GRAMD2B: variants seen among roughly 807,000 people sequenced by gnomAD.
GRAMD2B encodes the protein GRAM domain containing 2B.
In GRAMD2B, 41 loss-of-function variants were observed where a neutral mutation model predicts 59.2. That is an observed-to-expected ratio of 0.69 (90% confidence interval 0.54 to 0.90). GRAMD2B has a LOEUF of 0.90. GRAMD2B is among the 40% of genes least tolerant of loss of function. GRAMD2B has a pLI of 0.00. For missense variants in GRAMD2B, 424 were observed against 500.5 expected (o/e 0.85, Z 1.46); for synonymous variants, 161 against 182.7 (o/e 0.88, Z 0.96).
At chr5:126,378,721 C>T (rs1175291036) in intron 1 of GRAMD2B, among the ~76,000 whole-genome samples, 1 of 152,170 alleles carries the variant, frequency 6.6e-6, no homozygotes. Flanking sequence ...AACAGGAATG[C>T]ATGTTGGCTT....
At chr5:126,403,534 A>T (rs1156456498) in intron 1 of GRAMD2B, among the ~76,000 whole-genome samples, 1 of 151,992 alleles carries the variant, frequency 6.6e-6, no homozygotes, top group African/African-American at 2.4e-5. Context: ...TACTAGAAAT[A>T]AAGGGCTCAG....
At chr5:126,418,642 A>T (rs963326845), upstream of GRAMD2B, among the ~76,000 whole-genome samples, 1 of 152,218 alleles carries the variant, frequency 6.6e-6, no homozygotes, top group African/African-American at 2.4e-5. Context: ...AAGATTCCAT[A>T]ATCTACTACA....
At chr5:126,371,513 C>T (rs1034375583) in exon 1 of GRAMD2B, 16 of 1,289,120 alleles carry the variant, frequency 1.2e-5, no homozygotes, top group Admixed American at 6.9e-5. Flanking sequence ...CCAAGGAAGG[C>T]CAACGTGGAG....
At chr5:126,431,212 A>C (rs564446076) in intron 1 of GRAMD2B, among the ~76,000 whole-genome samples, 2 of 152,190 alleles carry the variant, frequency 1.3e-5, no homozygotes. Flanking sequence ...ACTTTAGCCG[A>C]CTATAAATGT....
chr5:126,363,356 T>C (rs1414713228), intron 1 of GRAMD2B, among the ~76,000 whole-genome samples: 1 of 152,124 alleles, frequency 6.6e-6, no homozygotes, highest in Non-Finnish European at 1.5e-5. Flanking sequence ...GGAACTCTCA[T>C]CCACTGCTGG....
chr5:126,383,523 A>C (rs1755838058), intron 1 of GRAMD2B, among the ~76,000 whole-genome samples: 2 of 152,106 alleles, frequency 1.3e-5, no homozygotes, highest in African/African-American at 4.8e-5. Flanking sequence ...TATAGGCATT[A>C]CTTTATAAAC....
intron 1 of GRAMD2B, among the ~76,000 whole-genome samples, chr5:126,382,503 T>C (rs1337676836): frequency 6.6e-6 from 1 of 152,214 alleles, no homozygotes; most frequent in Non-Finnish European, 1.5e-5. Context: ...CAGTGTATTT[T>C]GCGTTTCTCT....
chr5:126,390,574 G>A (rs1473051619), intron 1 of GRAMD2B, among the ~76,000 whole-genome samples: 5 of 152,256 alleles, frequency 3.3e-5, no homozygotes, highest in African/African-American at 1.2e-4. Flanking sequence ...AAATCATTCT[G>A]CAGTATATCT....
At chr5:126,450,385 C>T (rs1171853896) in intron 1 of GRAMD2B, among the ~76,000 whole-genome samples, 4 of 150,884 alleles carry the variant, frequency 2.7e-5, no homozygotes, top group Non-Finnish European at 5.9e-5. Flanking sequence ...ATAATATATT[C>T]TCTCTCTCTC....
chr5:126,457,466 T>C (rs976681454), intron 1 of GRAMD2B, among the ~76,000 whole-genome samples: 1 of 151,808 alleles, frequency 6.6e-6, no homozygotes, highest in Non-Finnish European at 1.5e-5. Context: ...AAACCCTGCC[T>C]CTAAAAATAC....
intron 1 of GRAMD2B, among the ~76,000 whole-genome samples, chr5:126,388,732 T>A (rs1303124336): frequency 6.6e-6 from 1 of 151,800 alleles, no homozygotes; most frequent in African/African-American, 2.4e-5. Flanking sequence ...AAATTATGGA[T>A]AAATGTATCT....
intron 12 of GRAMD2B, 65 bp downstream of exon 12, chr5:126,487,042 C>A: frequency 1.2e-6 from 1 of 816,744 alleles, no homozygotes; most frequent in Non-Finnish European, 2.1e-6. Flanking sequence ...TTGACCTGAA[C>A]TTAGCATCCT....
At chr5:126,429,828 G>C (rs186310593) in intron 1 of GRAMD2B, among the ~76,000 whole-genome samples, 14 of 152,302 alleles carry the variant, frequency 9.2e-5, no homozygotes, top group African/African-American at 3.4e-4. Context: ...TTTACTTTAT[G>C]CTAAAAGGAT....
At chr5:126,478,514 G>A (rs188560309) in intron 6 of GRAMD2B, among the ~76,000 whole-genome samples, 1 of 152,262 alleles carries the variant, frequency 6.6e-6, no homozygotes, top group South Asian at 2.1e-4. Context: ...GCCCAAATGG[G>A]CAGATCGCTT....
At chr5:126,418,418 C>T (rs1000781779), upstream of GRAMD2B, among the ~76,000 whole-genome samples, 5 of 152,132 alleles carry the variant, frequency 3.3e-5, no homozygotes, top group African/African-American at 9.7e-5. Flanking sequence ...ATTAGTGTTA[C>T]AAAACTATCC....
At chr5:126,450,824 A>T (rs1765219176) in intron 1 of GRAMD2B, among the ~76,000 whole-genome samples, 1 of 152,184 alleles carries the variant, frequency 6.6e-6, no homozygotes, top group South Asian at 2.1e-4. Context: ...ACAGAATGCA[A>T]GAGTGAAGAA....
intron 1 of GRAMD2B, chr5:126,360,529 C>G: frequency 6.9e-7 from 1 of 1,457,676 alleles, no homozygotes; most frequent in Non-Finnish European, 9.3e-7. Context: ...TTTAAAAGGC[C>G]TTTTTGGTAT....
At position 126,483,527 on chromosome 5, in the gene GRAMD2B, G is replaced by T. The variant is rs767137901; in HGVS notation, c.800G>T (p.Gly267Val). The T allele has an allele frequency of 2.5e-6, 4 of 1,612,944 alleles. No homozygotes were observed. Among genetic ancestry groups the T allele is most frequent in the Non-Finnish European group, 2.5e-6 (3 of 1,179,268 alleles). ...CAACAAAGAAGGCAAGACATGGAAG[G>T]ATATAGCAGTTCTGGTTCTCAAACT... The part of the protein sequence containing the change: ...VVQQRRQDME[G>V]YSSSGSQTPE... Residue 267 changes from glycine (G) to valine (V), a missense_variant, in exon 9 of 14, where the codon GGA becomes GTA. Transcript: ENST00000285689.
intron 1 of GRAMD2B, among the ~76,000 whole-genome samples, chr5:126,389,234 A>C (rs1756480355): frequency 6.6e-6 from 1 of 152,208 alleles, no homozygotes; most frequent in South Asian, 2.1e-4. Flanking sequence ...TAAATGAATC[A>C]CCTCATCTGT....
Sources: gnomAD v4.1 joint callset for allele counts (sites outside exome capture counted in the v4.1 genomes callset) on GRCh38, gnomAD v4.1.1 for gene constraint, MANE v1.5 for transcripts, NCBI Gene and HGNC (gene_info 2026-07-23, HGNC 2026-07-21) for gene names.